The following AGMO variants were observed in gnomAD, a reference collection of about 807,000 sequenced individuals.
The protein encoded by AGMO is alkylglycerol monooxygenase.
AGMO carries 75 observed loss-of-function variants against 60.2 expected under a neutral mutation model. The observed-to-expected ratio is 1.25, with a 90% CI of 1.03 to 1.51. The LOEUF (loss-of-function observed/expected upper bound fraction) is 1.51. Among genes scored for constraint, AGMO ranks in the 40% most tolerant of loss-of-function variants. The pLI is 0.00. For missense variants in AGMO, 763 were observed against 525.5 expected (o/e 1.45, Z -4.42); for synonymous variants, 261 against 177.1 (o/e 1.47, Z -3.76).
intron 12 of AGMO, among the ~76,000 whole-genome samples, chr7:15,264,299 A>G (rs141687351): frequency 1.3e-5 from 2 of 152,080 alleles, no homozygotes; most frequent in Non-Finnish European, 2.9e-5. Flanking sequence ...AAATGGCATG[A>G]GACTTTCCTT....
At chr7:15,558,387 T>C (rs1360160740) in intron 2 of AGMO, among the ~76,000 whole-genome samples, 2 of 152,058 alleles carry the variant, frequency 1.3e-5, no homozygotes, top group Non-Finnish European at 1.5e-5. Flanking sequence ...AGTTTATCAA[T>C]AATCTGATTT....
chr7:15,261,344 C>G (rs747507639), intron 12 of AGMO, among the ~76,000 whole-genome samples: 2 of 151,912 alleles, frequency 1.3e-5, no homozygotes, highest in East Asian at 1.9e-4. Context: ...CACAGAAATA[C>G]AAAAGATTAT....
intron 3 of AGMO, among the ~76,000 whole-genome samples, chr7:15,500,275 G>A (rs1170982464): frequency 1.3e-5 from 2 of 151,806 alleles, no homozygotes. Context: ...CCCAGTCAGG[G>A]AATATTCAAT....
chr7:15,439,172 G>A (rs1781482868), intron 3 of AGMO, among the ~76,000 whole-genome samples: 1 of 152,164 alleles, frequency 6.6e-6, no homozygotes, highest in Admixed American at 6.5e-5. Flanking sequence ...GCCAAGGTGG[G>A]CATATCACGA....
the AGMO span, among the ~76,000 whole-genome samples, chr7:15,194,391 T>A: frequency 1.3e-5 from 2 of 151,910 alleles, no homozygotes; most frequent in Non-Finnish European, 2.9e-5. Flanking sequence ...AAAAGAAAAA[T>A]ATATATAAGT....
chr7:15,300,061 G>A, intron 12 of AGMO, among the ~76,000 whole-genome samples: 1 of 151,962 alleles, frequency 6.6e-6, no homozygotes, highest in Admixed American at 6.6e-5. Flanking sequence ...TTGACAGGGT[G>A]GAAGAATGGA....
the AGMO span, among the ~76,000 whole-genome samples, chr7:15,172,187 T>C: frequency 0.17 from 25,391 of 152,152 alleles, 2,148 homozygotes; most frequent in East Asian, 0.22. Flanking sequence ...TCCTCAGATA[T>C]AAAAATAAAA....
chr7:15,435,197 G>C (rs1781365924), intron 3 of AGMO, among the ~76,000 whole-genome samples: 1 of 152,014 alleles, frequency 6.6e-6, no homozygotes. Context: ...GTTTTCTGTG[G>C]ACATGAGTTT....
chr7:15,381,571 T>C (rs1348437203), intron 10 of AGMO, among the ~76,000 whole-genome samples: 1 of 152,178 alleles, frequency 6.6e-6, no homozygotes, highest in African/African-American at 2.4e-5. Flanking sequence ...TATACACTGT[T>C]GGTGGGAATG....
intron 12 of AGMO, among the ~76,000 whole-genome samples, chr7:15,318,073 T>TTGGC (rs1192069681): frequency 6.6e-6 from 1 of 151,566 alleles, no homozygotes; most frequent in African/African-American, 2.4e-5. Context: ...TAGTGCAATC[T>TTGGC]TGGCTCACTG....
chr7:15,413,560 T>C (rs1012145723), intron 5 of AGMO, among the ~76,000 whole-genome samples: 2 of 152,114 alleles, frequency 1.3e-5, no homozygotes, highest in Non-Finnish European at 2.9e-5. Flanking sequence ...GAGAAAAATT[T>C]TGTAAACATC....
At chr7:15,337,733 A>T (rs559794898) in intron 12 of AGMO, among the ~76,000 whole-genome samples, 2 of 152,344 alleles carry the variant, frequency 1.3e-5, no homozygotes, top group Admixed American at 1.3e-4. Context: ...TCTCTGTGGC[A>T]GTCTTTGTCC....
intron 6 of AGMO, among the ~76,000 whole-genome samples, chr7:15,391,342 A>T (rs1325238143): frequency 2.0e-5 from 3 of 151,962 alleles, no homozygotes; most frequent in Non-Finnish European, 1.5e-5. Context: ...TCAGGAAGGA[A>T]ATTTTCTAGA....
At chr7:15,227,325 T>C (rs898168779) in intron 12 of AGMO, among the ~76,000 whole-genome samples, 4 of 151,980 alleles carry the variant, frequency 2.6e-5, no homozygotes, top group African/African-American at 7.2e-5. Context: ...ACCATGTCCA[T>C]GTAAGGCAAC....
At chr7:15,157,610 A>C in the AGMO span, among the ~76,000 whole-genome samples, 1 of 152,242 alleles carries the variant, frequency 6.6e-6, no homozygotes, top group South Asian at 2.1e-4. Context: ...CCTTGAAGAG[A>C]CTTATCCCAA....
chr7:15,407,725 T>C (rs2128491579), intron 5 of AGMO, among the ~76,000 whole-genome samples: 1 of 152,012 alleles, frequency 6.6e-6, no homozygotes, highest in South Asian at 2.1e-4. Context: ...TGTATATTTG[T>C]ATGTTTAAAA....
chr7:15,153,466 T>C, the AGMO span, among the ~76,000 whole-genome samples: 10 of 152,310 alleles, frequency 6.6e-5, no homozygotes, highest in South Asian at 1.7e-3. Flanking sequence ...AGAATGTTTA[T>C]GATTTGGGGT....
chr7:15,524,333 G>C (rs973650318), intron 3 of AGMO, among the ~76,000 whole-genome samples: 1 of 151,944 alleles, frequency 6.6e-6, no homozygotes, highest in Non-Finnish European at 1.5e-5. Flanking sequence ...TTAAAATCAT[G>C]ATTTTATAAC....
chr7:15,336,041 T>C lies in AGMO; in HGVS notation c.1263+29473A>G, dbSNP rs367943156. On this transcript the variant is annotated intron_variant, in intron 12 of 12. Coordinates refer to ENST00000342526, the MANE Select transcript of AGMO (RefSeq NM_001004320.2). ...AGACCTGGAGCCCTGTAAAAATATATAATAATCTGAAAGCTAACAGGTTGT... is the reference window on the plus strand; with the variant it reads ...AGACCTGGAGCCCTGTAAAAATATACAATAATCTGAAAGCTAACAGGTTGT... 2.0e-5 allele frequency among the ~76,000 whole-genome samples: 3 copies of C among 152,270 alleles called. No homozygotes were observed. In the East Asian group the frequency reaches 5.8e-4, roughly 29 times the overall value.
Sources: gnomAD v4.1 joint callset for allele counts (sites outside exome capture counted in the v4.1 genomes callset) on GRCh38, gnomAD v4.1.1 for gene constraint, MANE v1.5 for transcripts, NCBI Gene and HGNC (gene_info 2026-07-23, HGNC 2026-07-21) for gene names.